The following FAT3 variants were observed in gnomAD, a reference collection of about 807,000 sequenced individuals.
FAT3 encodes the protein FAT atypical cadherin 3.
In FAT3, 95 loss-of-function variants were observed where a neutral mutation model predicts 310.2. The ratio of observed to expected loss-of-function variants is 0.31; its 90% confidence interval spans 0.26 to 0.36. The LOEUF (loss-of-function observed/expected upper bound fraction) is 0.36. Among genes scored for constraint, FAT3 ranks in the 10% least tolerant of loss-of-function variants. The pLI is 1.00. For missense variants in FAT3, 5,408 were observed against 5,715.6 expected (o/e 0.95, Z 1.74); for synonymous variants, 2,314 against 2,192.9 (o/e 1.06, Z -1.54).
At chr11:92,236,803 G>A (rs761634127) in intron 1 of FAT3, among the ~76,000 whole-genome samples, 10 of 152,264 alleles carry the variant, frequency 6.6e-5, no homozygotes, top group Middle Eastern at 3.4e-3. Context: ...TATTTCTGGC[G>A]AGATTTACTG....
chr11:92,831,257 G>C (rs1948240033), intron 13 of FAT3, among the ~76,000 whole-genome samples: 1 of 152,144 alleles, frequency 6.6e-6, no homozygotes, highest in Admixed American at 6.5e-5. Flanking sequence ...CTGTGTTGAA[G>C]TAATTAATTA....
chr11:92,592,007 C>G (rs1230853425), intron 3 of FAT3, among the ~76,000 whole-genome samples: 1 of 152,044 alleles, frequency 6.6e-6, no homozygotes, highest in Admixed American at 6.6e-5. Flanking sequence ...AGAATGAACT[C>G]TAATGTAAAC....
chr11:92,595,535 C>T, intron 3 of FAT3, among the ~76,000 whole-genome samples: 1 of 152,258 alleles, frequency 6.6e-6, no homozygotes, highest in East Asian at 1.9e-4. Context: ...CCAGGATTTC[C>T]CCACTTGTTG....
intron 3 of FAT3, among the ~76,000 whole-genome samples, chr11:92,532,941 A>T (rs930245756): frequency 2.0e-5 from 3 of 152,116 alleles, no homozygotes; most frequent in Non-Finnish European, 4.4e-5. Context: ...AGGCTCTCTG[A>T]GGTGTTGGCA....
chr11:92,445,292 A>G (rs1408169932), intron 2 of FAT3, among the ~76,000 whole-genome samples: 7 of 152,126 alleles, frequency 4.6e-5, no homozygotes, highest in African/African-American at 1.7e-4. Flanking sequence ...TTTTTTCAAC[A>G]ATGCTGATAC....
At chr11:92,667,618 C>T (rs1942998084) in intron 3 of FAT3, among the ~76,000 whole-genome samples, 1 of 152,206 alleles carries the variant, frequency 6.6e-6, no homozygotes, top group Non-Finnish European at 1.5e-5. Flanking sequence ...TAACGACACA[C>T]ACACACAAGC....
intron 2 of FAT3, among the ~76,000 whole-genome samples, chr11:92,436,275 G>C (rs973872668): frequency 6.6e-6 from 1 of 152,142 alleles, no homozygotes; most frequent in African/African-American, 2.4e-5. Context: ...TATTAGCTGG[G>C]ACTACAGACA....
intron 3 of FAT3, among the ~76,000 whole-genome samples, chr11:92,593,442 C>CTT (rs397941943): frequency 7.7e-5 from 11 of 142,410 alleles, no homozygotes; most frequent in Non-Finnish European, 1.1e-4. Flanking sequence ...ATGCCATTTT[C>CTT]TTTTTTTTTT....
At chr11:92,629,411 C>CTT (rs34017336) in intron 3 of FAT3, among the ~76,000 whole-genome samples, 7 of 126,054 alleles carry the variant, frequency 5.6e-5, no homozygotes, top group South Asian at 4.9e-4. Context: ...CTTCCCCTAC[C>CTT]TTTTTTTTTT....
At chr11:92,560,035 A>G (rs1396851274) in intron 3 of FAT3, among the ~76,000 whole-genome samples, 2 of 152,172 alleles carry the variant, frequency 1.3e-5, no homozygotes, top group African/African-American at 2.4e-5. Flanking sequence ...GAACCTCCCT[A>G]CTGGTTTCCA....
At chr11:92,771,748 AAG>A (rs1440230277) in intron 6 of FAT3, among the ~76,000 whole-genome samples, 1 of 147,292 alleles carries the variant, frequency 6.8e-6, no homozygotes, top group Admixed American at 6.8e-5. Context: ...CACACACAGG[AAG>A]AGAGAGAACT....
chr11:92,541,169 G>A (rs1285881954), intron 3 of FAT3, among the ~76,000 whole-genome samples: 1 of 152,158 alleles, frequency 6.6e-6, no homozygotes, highest in Non-Finnish European at 1.5e-5. Context: ...ACTGTGGTGT[G>A]TACCAGGGTG....
intron 2 of FAT3, among the ~76,000 whole-genome samples, chr11:92,373,129 C>G (rs147146367): frequency 6.6e-6 from 1 of 152,142 alleles, no homozygotes; most frequent in Non-Finnish European, 1.5e-5. Flanking sequence ...ATTTTTCCAT[C>G]GTCCTTCCTA....
chr11:92,290,385 T>G (rs1946659950), intron 1 of FAT3, among the ~76,000 whole-genome samples: 1 of 152,110 alleles, frequency 6.6e-6, no homozygotes, highest in Admixed American at 6.6e-5. Context: ...CATCAGGATA[T>G]TGAATAAATG....
intron 3 of FAT3, among the ~76,000 whole-genome samples, chr11:92,586,856 C>T (rs1057008330): frequency 2.0e-5 from 3 of 151,836 alleles, no homozygotes; most frequent in Non-Finnish European, 4.4e-5. Context: ...CTCTGAACTG[C>T]TTTTGTTAAA....
intron 1 of FAT3, among the ~76,000 whole-genome samples, chr11:92,231,911 A>G (rs151139273): frequency 1.2e-3 from 176 of 152,160 alleles, no homozygotes; most frequent in African/African-American, 3.9e-3. Context: ...CTTTTTTGAA[A>G]CCTAGAGCAT....
intron 1 of FAT3, among the ~76,000 whole-genome samples, chr11:92,254,879 T>C (rs1316362331): frequency 6.6e-6 from 1 of 152,108 alleles, no homozygotes; most frequent in Non-Finnish European, 1.5e-5. Flanking sequence ...CTAATTTTTG[T>C]ATTTTTAGTA....
At chr11:92,636,003 G>A (rs1006533451) in intron 3 of FAT3, among the ~76,000 whole-genome samples, 1 of 151,756 alleles carries the variant, frequency 6.6e-6, no homozygotes, top group African/African-American at 2.4e-5. Context: ...TCACTCTGTC[G>A]CCCAGACTCG....
intron 3 of FAT3, among the ~76,000 whole-genome samples, chr11:92,534,328 C>T (rs1432890141): frequency 6.6e-6 from 1 of 152,128 alleles, no homozygotes; most frequent in Non-Finnish European, 1.5e-5. Flanking sequence ...GTGGTTTGAC[C>T]AGGGTCACCC....
Sources: allele counts gnomAD v4.1 joint callset (sites outside exome capture counted in the v4.1 genomes callset), GRCh38; gene constraint gnomAD v4.1.1; transcripts MANE v1.5; gene names NCBI Gene and HGNC (gene_info 2026-07-23, HGNC 2026-07-21).